SORD: variants seen among roughly 807,000 people sequenced by gnomAD.
SORD encodes the protein sorbitol dehydrogenase, also known as (R,R)-butanediol dehydrogenase.
SORD carries 18 observed loss-of-function variants against 35.6 expected under a neutral mutation model. The ratio of observed to expected loss-of-function variants is 0.51; its 90% CI spans 0.35 to 0.75. The LOEUF (loss-of-function observed/expected upper bound fraction) is 0.75. SORD is among the 30% of genes least tolerant of loss of function. The probability of loss-of-function intolerance (pLI) is 0.01; values close to 1 mark genes in which losing one functional copy is unlikely to be tolerated. For missense variants in SORD, 250 were observed against 390.2 expected (o/e 0.64, Z 3.03); for synonymous variants, 106 against 152.9 (o/e 0.69, Z 2.26).
At chr15:45,029,887 CAACT>C (rs772662794) in intron 1 of SORD, among the ~76,000 whole-genome samples, 1 of 152,222 alleles carries the variant, frequency 6.6e-6, no homozygotes, top group Non-Finnish European at 1.5e-5. Context: ...CCCCCTCTAC[CAACT>C]GAGTCTGGGA....
At chr15:45,059,900 T>C (rs778619741) in intron 3 of SORD, among the ~76,000 whole-genome samples, 25 of 152,204 alleles carry the variant, frequency 1.6e-4, no homozygotes, top group Non-Finnish European at 3.2e-4. Flanking sequence ...ATTTTTGTGA[T>C]GTGCTAGAAC....
intron 3 of SORD, among the ~76,000 whole-genome samples, chr15:45,048,563 G>GCAAAAA (rs1893080920): frequency 1.3e-5 from 2 of 152,202 alleles, no homozygotes; most frequent in South Asian, 4.2e-4. Context: ...CCCTGTCTCT[G>GCAAAAA]CAAAAACAAA....
At chr15:45,045,040 T>C (rs1893025139) in intron 3 of SORD, among the ~76,000 whole-genome samples, 1 of 152,174 alleles carries the variant, frequency 6.6e-6, no homozygotes. Context: ...ATAGGCATTA[T>C]TATCTTCATT....
chr15:45,045,829 C>A, intron 3 of SORD, among the ~76,000 whole-genome samples: 1 of 152,012 alleles, frequency 6.6e-6, no homozygotes, highest in East Asian at 1.9e-4. Flanking sequence ...CAGAGGGAGA[C>A]CCTGTCTCTA....
intron 1 of SORD, among the ~76,000 whole-genome samples, chr15:45,029,307 G>A (rs1296544926): frequency 3.9e-5 from 6 of 152,284 alleles, no homozygotes; most frequent in African/African-American, 9.6e-5. Context: ...GAAAGACCAT[G>A]AGGCACAAAG....
chr15:45,071,145 G>A (rs1893506439), intron 7 of SORD, among the ~76,000 whole-genome samples: 1 of 152,312 alleles, frequency 6.6e-6, no homozygotes, highest in Middle Eastern at 3.4e-3. Flanking sequence ...TATCCTTGGT[G>A]CAGATGCCAT....
At chr15:45,058,750 G>C (rs1385053470) in intron 3 of SORD, 3 of 152,204 alleles carry the variant, frequency 2.0e-5, no homozygotes, top group Non-Finnish European at 4.4e-5. Context: ...ACCTGAAAGA[G>C]GGTTGTTGTT....
chr15:45,036,553 G>A (rs1486588035), intron 1 of SORD, among the ~76,000 whole-genome samples: 1 of 152,094 alleles, frequency 6.6e-6, no homozygotes, highest in Non-Finnish European at 1.5e-5. Flanking sequence ...AATTAGCCAC[G>A]CAGCGTGGCA....
At chr15:45,052,673 G>A (rs1312264496) in intron 3 of SORD, among the ~76,000 whole-genome samples, 1 of 152,092 alleles carries the variant, frequency 6.6e-6, no homozygotes, top group Non-Finnish European at 1.5e-5. Context: ...CAAATTCATT[G>A]GGCAGACAGA....
chr15:45,069,059 G>C lies in SORD; in HGVS notation c.786+7G>C. On this transcript the variant is annotated splice_region_variant and intron_variant, in intron 7 of 8. Transcript: ENST00000267814. ...CATCCAGGCGGGCATCTACGTGAGT[G>C]GGCTGAGGGCAGCTTTGGGGAATCA... 6.2e-7 allele frequency: 1 copy of C among 1,601,410 alleles called. No individual in the cohort carries two copies. Among genetic ancestry groups the C allele is most frequent in the Non-Finnish European group, 8.5e-7 (1 of 1,174,002 alleles).
chr15:45,058,822 C>G (rs1339154056), intron 3 of SORD: 1 of 152,196 alleles, frequency 6.6e-6, no homozygotes, highest in Non-Finnish European at 1.5e-5. Flanking sequence ...TGTTGTGTAA[C>G]TTACCTTTTC....
intron 1 of SORD, among the ~76,000 whole-genome samples, chr15:45,031,112 G>C (rs1291990927): frequency 1.3e-5 from 2 of 152,214 alleles, no homozygotes; most frequent in African/African-American, 4.8e-5. Flanking sequence ...GATCACTTGA[G>C]GCCAGGAGTT....
chr15:45,038,466 G>T (rs1892910360), intron 1 of SORD, among the ~76,000 whole-genome samples: 1 of 152,194 alleles, frequency 6.6e-6, no homozygotes, highest in Admixed American at 6.5e-5. Context: ...TAACATTAAA[G>T]CTTTGAGCTT....
intron 1 of SORD, 131 bp from the exon 2 acceptor site, chr15:45,040,277 T>A: frequency 1.5e-6 from 1 of 651,552 alleles, no homozygotes; most frequent in Non-Finnish European, 2.8e-6. Flanking sequence ...AGGAGCAGTG[T>A]GGTCTGAGCT....
At chr15:45,048,697 G>T (rs979978271) in intron 3 of SORD, among the ~76,000 whole-genome samples, 7 of 152,142 alleles carry the variant, frequency 4.6e-5, no homozygotes, top group African/African-American at 1.7e-4. Context: ...CTCATGACCA[G>T]GAAAATTAAG....
chr15:45,069,082 T>A lies in SORD; in HGVS notation c.786+30T>A, dbSNP rs577448359. ...GTGGGCTGAGGGCAGCTTTGGGGAA[T>A]CAGCATAGGGGAGTGAAGGAGGCAG... On this transcript the variant is annotated intron_variant, in intron 7 of 8. Transcript: ENST00000267814. The A allele has an allele frequency of 8.8e-5, 139 of 1,578,240 alleles. 1 individual carries two copies. Among genetic ancestry groups the A allele is most frequent in the Admixed American group, 5.4e-4 (30 of 55,970 alleles).
At chr15:45,049,230 C>G (rs1893090852) in intron 3 of SORD, among the ~76,000 whole-genome samples, 1 of 152,102 alleles carries the variant, frequency 6.6e-6, no homozygotes, top group South Asian at 2.1e-4. Flanking sequence ...TGGTTTTTTT[C>G]TTTCTCGTTC....
intron 3 of SORD, among the ~76,000 whole-genome samples, chr15:45,059,791 T>C (rs1325463611): frequency 6.6e-6 from 1 of 152,206 alleles, no homozygotes; most frequent in African/African-American, 2.4e-5. Flanking sequence ...CCACCACACC[T>C]GGCCAGACAG....
intron 1 of SORD, among the ~76,000 whole-genome samples, chr15:45,037,658 G>A (rs1173825468): frequency 1.3e-5 from 2 of 152,138 alleles, no homozygotes; most frequent in African/African-American, 4.8e-5. Flanking sequence ...TCAGGGACAT[G>A]GATGAAGCTG....
Sources: allele counts gnomAD v4.1 joint callset (sites outside exome capture counted in the v4.1 genomes callset), GRCh38; gene constraint gnomAD v4.1.1; transcripts MANE v1.5; gene names NCBI Gene and HGNC (gene_info 2026-07-23, HGNC 2026-07-21).